The following PCDHGB3 variants were observed in gnomAD, a reference collection of about 807,000 sequenced individuals.
The protein encoded by PCDHGB3 is protocadherin gamma-B3.
PCDHGB3 carries 40 observed loss-of-function variants against 59.2 expected under a neutral mutation model. The ratio of observed to expected loss-of-function variants is 0.68; its 90% CI spans 0.52 to 0.88. The LOEUF (loss-of-function observed/expected upper bound fraction) is 0.88, where lower values mean the gene tolerates loss of function less well. PCDHGB3 is among the 40% of genes least tolerant of loss of function. The pLI is 0.00. For missense variants in PCDHGB3, 1,309 were observed against 1,187.9 expected, an observed-to-expected ratio of 1.10 and a Z score of -1.50; for synonymous variants, 581 against 503.6, an observed-to-expected ratio of 1.15 and a Z score of -2.06.
At chr5:141,419,878 G>A in intron 1 of PCDHGB3, 2 of 1,614,060 alleles carry the variant, frequency 1.2e-6, no homozygotes, top group Non-Finnish European at 1.7e-6. Context: ...AGGTACTGCC[G>A]GATTTCAGCG....
chr5:141,410,110 C>T, intron 1 of PCDHGB3: 4 of 1,612,540 alleles, frequency 2.5e-6, no homozygotes, highest in Non-Finnish European at 3.4e-6. Flanking sequence ...GCGACAGGGA[C>T]GCAGCCCGCC....
chr5:141,477,573 C>T lies in PCDHGB3; in HGVS notation c.2416-17234C>T, dbSNP rs1593790046. The T allele has an allele frequency of 6.2e-7, 1 of 1,614,056 alleles. No individual in the cohort carries two copies. Among genetic ancestry groups the T allele is most frequent in the South Asian group, 1.1e-5 (1 of 91,086 alleles). ...AACCTAAGTGTCTGGGACCCCGACGCCCCGCAGAATGCTCGGCTTTCTTTC... is the reference window on the plus strand; with the variant it reads ...AACCTAAGTGTCTGGGACCCCGACGTCCCGCAGAATGCTCGGCTTTCTTTC... On this transcript the variant is annotated intron_variant, in intron 1 of 3. Coordinates refer to ENST00000576222, the MANE Select transcript of PCDHGB3 (RefSeq NM_018924.5). This position sits in a 1 kb window ranked among gnomAD's most constrained non-coding sequence, Gnocchi z 4.9.
At chr5:141,372,842 A>G in intron 1 of PCDHGB3, 33 bp downstream of exon 1, 1 of 1,515,016 alleles carries the variant, frequency 6.6e-7, no homozygotes, top group Middle Eastern at 1.7e-4. Context: ...TTCCATAAAT[A>G]TAATTGGGTT....
At chr5:141,404,153 T>G in intron 1 of PCDHGB3, 1 of 1,613,010 alleles carries the variant, frequency 6.2e-7, no homozygotes, top group Non-Finnish European at 8.5e-7. Context: ...AGAAGAAGAT[T>G]ATTACAGATT....
intron 1 of PCDHGB3, chr5:141,377,279 AAT>A (rs1773851812): frequency 6.6e-6 from 1 of 152,110 alleles, no homozygotes; most frequent in African/African-American, 2.4e-5. Context: ...TGGGAAAAAA[AAT>A]AACCTTAATT....
At chr5:141,498,964 G>A (rs1342764380) in intron 2 of PCDHGB3, among the ~76,000 whole-genome samples, 2 of 127,572 alleles carry the variant, frequency 1.6e-5, no homozygotes, top group Admixed American at 8.7e-5. Context: ...AGAGAGGGAG[G>A]GAGGGAGGGA....
chr5:141,399,465 G>C (rs770080703), intron 1 of PCDHGB3: 20 of 1,614,014 alleles, frequency 1.2e-5, no homozygotes, highest in Non-Finnish European at 1.7e-5. Flanking sequence ...ATAACGCTCC[G>C]GTTTTCCACC....
In PCDHGB3 at chr5:141,382,029, A is replaced by C. The variant is rs574099831; in HGVS notation, c.2415+9220A>C. 4.6e-4 allele frequency among the ~76,000 whole-genome samples: 70 copies of C among 151,618 alleles called. 2 individuals carry two copies. The South Asian group carries it at 0.013, about 28-fold the overall frequency. On this transcript the variant is annotated intron_variant, in intron 1 of 3. Coordinates refer to ENST00000576222, the MANE Select transcript of PCDHGB3 (RefSeq NM_018924.5). Reference sequence around the variant, plus strand: ...TTTTTAGTAGAGACGGGGTTTCTCCATGTTGGTCAGGCTGGTCTCAAGCTC... The same window carrying C: ...TTTTTAGTAGAGACGGGGTTTCTCCCTGTTGGTCAGGCTGGTCTCAAGCTC...
At position 141,511,481 on chromosome 5, in the gene PCDHGB3, ACTC is replaced by A. The variant is rs2154594681; in HGVS notation, c.*313_*315del. On this transcript the variant is annotated 3_prime_UTR_variant, in exon 4 of 4. Coordinates refer to ENST00000576222, the MANE Select transcript of PCDHGB3 (RefSeq NM_018924.5). ...CCACACCCCGTTTAGTTACAGCTGAACTCCTCCATCTTCCAAATCAATCAGGCC... is the reference window on the plus strand; with the variant it reads ...CCACACCCCGTTTAGTTACAGCTGAACTCCATCTTCCAAATCAATCAGGCC... 2 of 464,080 alleles carry A rather than the reference ACTC, an allele frequency of 4.3e-6. No individual in the cohort carries two copies. The highest frequency in any genetic ancestry group is 7.7e-6 in the Non-Finnish European group (2 of 260,856). The allele number at this position is 464,080 out of a possible 1,614,324, so 28.7% of individuals were successfully genotyped here.
chr5:141,423,435 G>A (rs2096740494), intron 1 of PCDHGB3: 1 of 1,613,892 alleles, frequency 6.2e-7, no homozygotes, highest in Admixed American at 1.7e-5. Context: ...TGGCAGGTAT[G>A]CCCACGTCAC....
chr5:141,371,309 A>T lies in PCDHGB3; in HGVS notation c.915A>T (p.Gly305=), dbSNP rs1046676611. 2.5e-6 allele frequency: 4 copies of T among 1,613,894 alleles called. No individual in the cohort carries two copies. The highest frequency in any genetic ancestry group is 1.3e-5 in the African/African-American group (1 of 74,950). ...AAACGGGGGAACTCACCACTATTGG[A>T]GAACTGGACTTTGAAGAGAGAGATA... ...DSKTGELTTI[G]ELDFEERDSY... The change falls in exon 1 of 4, where the codon GGA becomes GGT. Residue 305 remains glycine (G), a synonymous_variant. Coordinates refer to ENST00000576222, the MANE Select transcript of PCDHGB3 (RefSeq NM_018924.5).
intron 1 of PCDHGB3, among the ~76,000 whole-genome samples, chr5:141,386,366 C>A (rs2090545743): frequency 6.6e-6 from 1 of 151,962 alleles, no homozygotes; most frequent in Non-Finnish European, 1.5e-5. Context: ...ATTCCAGAGA[C>A]CTTTGAGTAT....
Position 141,372,286 on chromosome 5 carries a change from C to T in PCDHGB3, c.1892C>T (p.Thr631Ile), listed in dbSNP as rs62620706. 47 of 1,613,150 alleles carry T rather than the reference C, an allele frequency of 2.9e-5. No homozygotes were observed. The African/African-American group carries it at 5.9e-4, about 20-fold the overall frequency. ...ACGGGTGAGGTGCGCACGGCGCGTA[C>T]CTTGGGCGACAGGGAGGCCGCCCGC... Reference protein sequence around the residue: ...LRTGEVRTARTLGDREAARQR... With the variant: ...LRTGEVRTARILGDREAARQR... Residue 631 changes from threonine (T) to isoleucine (I), a missense_variant, in exon 1 of 4, where the codon ACC becomes ATC. By Grantham distance (89) the Thr-to-Ile change is moderately conservative (BLOSUM62 -1). Coordinates refer to ENST00000576222, the MANE Select transcript of PCDHGB3 (RefSeq NM_018924.5).
chr5:141,441,884 C>A (rs2098281796), intron 1 of PCDHGB3: 10 of 343,702 alleles, frequency 2.9e-5, no homozygotes, highest in South Asian at 2.6e-4. Context: ...TACCTGGTCA[C>A]CAAGGTGGTG....
Position 141,491,733 on chromosome 5 carries a change from TG to T in PCDHGB3, c.2416-3069del. 6.2e-7 allele frequency: 1 copy of T among 1,602,698 alleles called. No individual in the cohort carries two copies. Among genetic ancestry groups the T allele is most frequent in the Non-Finnish European group, 8.5e-7 (1 of 1,175,258 alleles). On this transcript the variant is annotated intron_variant, in intron 1 of 3. Coordinates refer to ENST00000576222, the MANE Select transcript of PCDHGB3 (RefSeq NM_018924.5). This position sits in a 1 kb window ranked among gnomAD's most constrained non-coding sequence, Gnocchi z 6.9. ...GCTCGGCGCCGCCCCGGGCGACCCC[TG>T]GGGGCGGCACTGGAGAAGCCGCCCG...
In PCDHGB3 at chr5:141,512,874, C is replaced by G. The variant is rs2099884476; in HGVS notation, c.*1701C>G. The G allele has an allele frequency of 6.6e-6, 1 of 152,246 alleles. No homozygotes were observed. Among genetic ancestry groups the G allele is most frequent in the Non-Finnish European group, 1.5e-5 (1 of 68,062 alleles). 9.4% of individuals were successfully genotyped at this position (152,246 alleles called of 1,614,324 possible). ...CTTCTCTTCGCATAGTCACGTAGCT[C>G]CCACCCCACCCTCTTCCTGTGTCTC... On this transcript the variant is annotated 3_prime_UTR_variant, in exon 4 of 4. Transcript: ENST00000576222.
chr5:141,405,056 T>A (rs770920034), intron 1 of PCDHGB3: 8 of 1,613,836 alleles, frequency 5.0e-6, no homozygotes, highest in Non-Finnish European at 6.8e-6. Context: ...AGTCGTCTCC[T>A]GTGTCTTCCT....
Position 141,383,402 on chromosome 5 carries a change from A to T in PCDHGB3, c.2415+10593A>T, listed in dbSNP as rs757890929. 4.3e-6 allele frequency: 7 copies of T among 1,614,034 alleles called. No individual in the cohort carries two copies. In the Admixed American group the frequency reaches 8.3e-5, roughly 19 times the overall value. The stretch of plus-strand genomic sequence containing the variant: ...CCAGATGTGGGCACGAACTCCCTCC[A>T]GAGTTACCAGCTCAGCCCCAATCGC... On this transcript the variant is annotated intron_variant, in intron 1 of 3. Transcript: ENST00000576222.
intron 1 of PCDHGB3, chr5:141,399,826 G>C (rs2093897872): frequency 1.2e-6 from 2 of 1,613,066 alleles, no homozygotes; most frequent in Non-Finnish European, 1.7e-6. Context: ...GGGTCCCGAC[G>C]GCTCTGCGCT....
Sources: allele counts gnomAD v4.1 joint callset (sites outside exome capture counted in the v4.1 genomes callset), GRCh38; gene constraint gnomAD v4.1.1; non-coding constraint Gnocchi (gnomAD v3.1); transcripts MANE v1.5; gene names NCBI Gene and HGNC (gene_info 2026-07-23, HGNC 2026-07-21).